The following MALRD1 variants were observed in gnomAD, a reference collection of about 807,000 sequenced individuals.
The protein encoded by MALRD1 is MAM and LDL receptor class A domain containing 1.
A neutral mutation model predicts 242.1 loss-of-function variants in MALRD1; 247 were observed. The ratio of observed to expected loss-of-function variants is 1.02; its 90% CI spans 0.92 to 1.13. The LOEUF is 1.13. MALRD1 is among the 50% of genes most tolerant of loss of function. MALRD1 has a pLI of 0.00. For missense variants in MALRD1, 2,989 were observed against 2,533.1 expected (o/e 1.18, Z -3.86); for synonymous variants, 995 against 866.6 (o/e 1.15, Z -2.60).
chr10:19,358,591 G>A (rs892518404), intron 26 of MALRD1, among the ~76,000 whole-genome samples: 5 of 152,206 alleles, frequency 3.3e-5, no homozygotes, highest in Non-Finnish European at 5.9e-5. Context: ...ACTGTGTGAT[G>A]TCAGCTAATC....
intron 28 of MALRD1, among the ~76,000 whole-genome samples, chr10:19,405,395 CT>C (rs1005161977): frequency 6.6e-6 from 1 of 152,104 alleles, no homozygotes; most frequent in African/African-American, 2.4e-5. Context: ...GCATTGTGTA[CT>C]TTTCCCTGCA....
At chr10:19,652,543 A>G (rs1177401930) in intron 36 of MALRD1, among the ~76,000 whole-genome samples, 1 of 152,142 alleles carries the variant, frequency 6.6e-6, no homozygotes, top group Non-Finnish European at 1.5e-5. Context: ...GAGTTTTATG[A>G]AATTCACTGT....
chr10:19,101,597 C>T (rs1184764570), intron 4 of MALRD1, among the ~76,000 whole-genome samples: 1 of 131,714 alleles, frequency 7.6e-6, no homozygotes. Flanking sequence ...ATATATAATA[C>T]ATAATTTTAT....
intron 13 of MALRD1, among the ~76,000 whole-genome samples, chr10:19,170,351 G>A (rs1564439137): frequency 6.6e-6 from 1 of 152,074 alleles, no homozygotes; most frequent in Non-Finnish European, 1.5e-5. Context: ...CTTTTTCTGA[G>A]TAGTCCATTG....
rs192636549 is a variant in MALRD1 at position 19,183,766 on chromosome 10, G to A, written c.1951+8438G>A. On this transcript the variant is annotated intron_variant, in intron 14 of 39. Coordinates refer to ENST00000454679, the MANE Select transcript of MALRD1 (RefSeq NM_001142308.3). ...AAGTTATTGGATTTGCTCAAGAACT[G>A]TTTGGGATACATAAAGGTTAGGAAG... 9.9e-5 allele frequency among the ~76,000 whole-genome samples: 15 copies of A among 152,284 alleles called. No homozygotes were observed. In the East Asian group the frequency reaches 2.9e-3, roughly 30 times the overall value.
At chr10:19,580,812 GTC>G (rs1014510809) in intron 33 of MALRD1, among the ~76,000 whole-genome samples, 46 of 152,070 alleles carry the variant, frequency 3.0e-4, no homozygotes, top group African/African-American at 1.1e-3. Flanking sequence ...CTTCACTCTT[GTC>G]TCTCTGTCTG....
rs1215277754 is a variant in MALRD1 at position 19,301,002 on chromosome 10, AAATC to A, written c.3419+17828_3419+17831del. On this transcript the variant is annotated intron_variant, in intron 21 of 39. Coordinates refer to ENST00000454679, the MANE Select transcript of MALRD1 (RefSeq NM_001142308.3). The stretch of plus-strand genomic sequence containing the variant: ...TCCAGAATCTATAAGGAACTTAAAG[AAATC>A]AATCAAACACACAAAACCAAATAAT... Among the ~76,000 whole-genome samples the A allele has an allele frequency of 3.3e-5, 5 of 152,176 alleles. No individual in the cohort carries two copies. In the East Asian group the frequency reaches 5.8e-4, roughly 18 times the overall value.
intron 34 of MALRD1, among the ~76,000 whole-genome samples, chr10:19,600,645 G>T (rs932304942): frequency 6.6e-6 from 1 of 152,038 alleles, no homozygotes; most frequent in Non-Finnish European, 1.5e-5. Context: ...TAGAAAATGG[G>T]TATACATCCA....
chr10:19,338,747 G>A (rs1259545620), intron 24 of MALRD1, among the ~76,000 whole-genome samples: 5 of 145,676 alleles, frequency 3.4e-5, no homozygotes, highest in Admixed American at 1.3e-4. Flanking sequence ...TTTGAATTAC[G>A]AACAATTCAA....
At chr10:19,492,856 C>T (rs1353649212) in intron 30 of MALRD1, among the ~76,000 whole-genome samples, 1 of 152,104 alleles carries the variant, frequency 6.6e-6, no homozygotes, top group Non-Finnish European at 1.5e-5. Flanking sequence ...TGGAGACAAA[C>T]TACCACACAA....
At chr10:19,657,326 A>G (rs1310535773) in intron 36 of MALRD1, among the ~76,000 whole-genome samples, 2 of 152,104 alleles carry the variant, frequency 1.3e-5, no homozygotes, top group African/African-American at 4.8e-5. Context: ...ACATTCTTCC[A>G]TACTCAATCT....
intron 32 of MALRD1, among the ~76,000 whole-genome samples, chr10:19,536,642 T>C (rs1406370301): frequency 6.6e-6 from 1 of 152,040 alleles, no homozygotes; most frequent in Non-Finnish European, 1.5e-5. Context: ...GTGTGCACTG[T>C]AAAGAAAACA....
chr10:19,184,819 A>G (rs769151815), intron 14 of MALRD1, among the ~76,000 whole-genome samples: 2 of 152,180 alleles, frequency 1.3e-5, no homozygotes, highest in African/African-American at 2.4e-5. Context: ...AAGTGCTGAG[A>G]TTACAGGCAT....
intron 36 of MALRD1, among the ~76,000 whole-genome samples, chr10:19,628,573 GA>G (rs1839776981): frequency 6.6e-6 from 1 of 151,770 alleles, no homozygotes; most frequent in Non-Finnish European, 1.5e-5. Flanking sequence ...GTATGAAAAA[GA>G]AAAAAAGGAA....
intron 18 of MALRD1, among the ~76,000 whole-genome samples, chr10:19,256,301 C>G (rs576835232): frequency 3.3e-5 from 5 of 152,222 alleles, no homozygotes; most frequent in African/African-American, 1.2e-4. Flanking sequence ...GTTCACCCAA[C>G]TCTATTTTTA....
chr10:19,719,354 G>T (rs1834634391), intron 38 of MALRD1, among the ~76,000 whole-genome samples: 1 of 150,488 alleles, frequency 6.6e-6, no homozygotes, highest in Non-Finnish European at 1.5e-5. Context: ...GTGAAGTGGA[G>T]TGAAGACGGA....
intron 4 of MALRD1, among the ~76,000 whole-genome samples, chr10:19,102,857 CT>C (rs34617574): frequency 3.3e-5 from 5 of 150,754 alleles, no homozygotes; most frequent in Admixed American, 3.3e-4. Context: ...GTCATTTCTT[CT>C]TTTTTTTTGA....
At chr10:19,643,064 A>G (rs944241258) in intron 36 of MALRD1, among the ~76,000 whole-genome samples, 2 of 152,122 alleles carry the variant, frequency 1.3e-5, no homozygotes, top group African/African-American at 2.4e-5. Flanking sequence ...AGTTGTCTTC[A>G]TATCTCTTTT....
intron 36 of MALRD1, among the ~76,000 whole-genome samples, chr10:19,630,023 T>C (rs893911311): frequency 1.1e-4 from 16 of 152,192 alleles, no homozygotes; most frequent in Non-Finnish European, 1.6e-4. Flanking sequence ...GCATTTTAAT[T>C]TTGAAACCCC....
Sources: allele counts gnomAD v4.1 joint callset (sites outside exome capture counted in the v4.1 genomes callset), GRCh38; gene constraint gnomAD v4.1.1; transcripts MANE v1.5; gene names NCBI Gene and HGNC (gene_info 2026-07-23, HGNC 2026-07-21).